Variants in RTN1 observed in about 807,000 individuals in gnomAD.
RTN1 encodes reticulon-1.
In RTN1, 25 loss-of-function variants were observed where a neutral mutation model predicts 65.5. The ratio of observed to expected loss-of-function variants is 0.38; its 90% CI spans 0.28 to 0.53. The LOEUF (loss-of-function observed/expected upper bound fraction) is 0.53, where lower values mean the gene tolerates loss of function less well. Among genes scored for constraint, RTN1 ranks in the 20% least tolerant of loss-of-function variants. The pLI is 0.79. For synonymous variants in RTN1, 471 were observed against 447.6 expected (o/e 1.05, Z -0.66); for missense variants, 983 against 1,025.4 (o/e 0.96, Z 0.57).
rs1172989902 is a variant in RTN1, at chr14:59,846,424, A to ACACACACGTGTGTAC, written c.241+23951_241+23965dup. 6.6e-6 allele frequency among the ~76,000 whole-genome samples: 1 copy of ACACACACGTGTGTAC among 151,876 alleles called. No homozygotes were observed. Among genetic ancestry groups the ACACACACGTGTGTAC allele is most frequent in the Non-Finnish European group, 1.5e-5 (1 of 67,942 alleles). On this transcript the variant is annotated intron_variant, in intron 1 of 8. Transcript: ENST00000267484. This position sits in a 1 kb window ranked among gnomAD's most constrained non-coding sequence, Gnocchi z 4.8. ...AGTTGATGTATGCACACGTGTGTAC[A>ACACACACGTGTGTAC]CACACACGTGTGTACCACACACATC...
chr14:59,749,136 A>ATCTG (rs1250420814), intron 1 of RTN1, among the ~76,000 whole-genome samples: 4 of 109,702 alleles, frequency 3.6e-5, no homozygotes, highest in Admixed American at 1.1e-4. Flanking sequence ...ATATATCTAT[A>ATCTG]TCTATCTATC....
At position 59,602,617 on chromosome 14, in the gene RTN1, G is replaced by C. The variant is rs541410051; in HGVS notation, c.2288+448C>G. 2.3e-4 allele frequency among the ~76,000 whole-genome samples: 35 copies of C among 152,166 alleles called. No individual in the cohort carries two copies. In the East Asian group the frequency reaches 6.6e-3, roughly 28 times the overall value. On this transcript the variant is annotated intron_variant, in intron 8 of 8. Coordinates refer to ENST00000267484, the MANE Select transcript of RTN1 (RefSeq NM_021136.3). ...TGGCAAACATTTTATGTATTTTAAA[G>C]TTCTAAAAATAATTCAAAGTTTTAA...
intron 1 of RTN1, among the ~76,000 whole-genome samples, chr14:59,804,429 A>G (rs1886600366): frequency 6.6e-6 from 1 of 152,194 alleles, no homozygotes; most frequent in South Asian, 2.1e-4. Flanking sequence ...TCACTGCAAC[A>G]TTACTGATAG....
chr14:59,649,072 G>A (rs573053187), intron 3 of RTN1, among the ~76,000 whole-genome samples: 1 of 152,100 alleles, frequency 6.6e-6, no homozygotes, highest in Non-Finnish European at 1.5e-5. Flanking sequence ...ATAGACCAAC[G>A]AAACAGAACA....
intron 3 of RTN1, among the ~76,000 whole-genome samples, chr14:59,643,602 T>G (rs1882828103): frequency 6.6e-6 from 1 of 152,168 alleles, no homozygotes; most frequent in Non-Finnish European, 1.5e-5. Flanking sequence ...AGCACTACTA[T>G]CATTAGCCGT....
At chr14:59,630,623 T>A in intron 3 of RTN1, 1 of 1,528,366 alleles carries the variant, frequency 6.5e-7, no homozygotes, top group East Asian at 2.4e-5. Flanking sequence ...GCGGAGAGAC[T>A]GAGGCTGCAC....
At chr14:59,638,729 A>G (rs1231454495) in intron 3 of RTN1, among the ~76,000 whole-genome samples, 1 of 152,290 alleles carries the variant, frequency 6.6e-6, no homozygotes, top group Non-Finnish European at 1.5e-5. Flanking sequence ...TTAAAGAGTG[A>G]GGGCCTTGGT....
intron 3 of RTN1, among the ~76,000 whole-genome samples, chr14:59,677,167 C>A (rs533186923): frequency 6.6e-6 from 1 of 152,212 alleles, no homozygotes; most frequent in South Asian, 2.1e-4. Context: ...GGACCCCAGC[C>A]TTTGAATCCT....
At chr14:59,613,706 C>T (rs2349694) in intron 3 of RTN1, among the ~76,000 whole-genome samples, 149,214 of 152,182 alleles carry the variant, frequency 0.98, 73,223 homozygotes, top group East Asian at 1. Context: ...CATTTTTTTG[C>T]CTTGTCCTTC....
At chr14:59,599,207 C>T (rs985650431) in intron 8 of RTN1, among the ~76,000 whole-genome samples, 4 of 152,186 alleles carry the variant, frequency 2.6e-5, no homozygotes, top group African/African-American at 7.2e-5. Context: ...ATCTATCCCT[C>T]GCCGCATTCT....
At chr14:59,777,093 T>C (rs1886066140) in intron 1 of RTN1, among the ~76,000 whole-genome samples, 1 of 152,132 alleles carries the variant, frequency 6.6e-6, no homozygotes, top group Non-Finnish European at 1.5e-5. Context: ...ATGTTGTCCT[T>C]CAGGCATGGA....
At chr14:59,685,271 C>A (rs758413082) in intron 3 of RTN1, among the ~76,000 whole-genome samples, 1 of 152,102 alleles carries the variant, frequency 6.6e-6, no homozygotes, top group Non-Finnish European at 1.5e-5. Context: ...CAAAGATGAC[C>A]ACTCTTGTCA....
chr14:59,867,328 C>T (rs1242112385), intron 1 of RTN1, among the ~76,000 whole-genome samples: 1 of 152,146 alleles, frequency 6.6e-6, no homozygotes, highest in Non-Finnish European at 1.5e-5. Flanking sequence ...TAGATGATGG[C>T]ACTTTTATGA....
At chr14:59,852,957 A>G (rs1267941504) in intron 1 of RTN1, among the ~76,000 whole-genome samples, 1 of 152,188 alleles carries the variant, frequency 6.6e-6, no homozygotes, top group East Asian at 1.9e-4. Flanking sequence ...CTGTGTACAT[A>G]TATATATTAA....
intron 3 of RTN1, among the ~76,000 whole-genome samples, chr14:59,673,805 G>C: frequency 6.6e-6 from 1 of 152,122 alleles, no homozygotes. Flanking sequence ...TGGATTGAAG[G>C]TCAGGTTTCA....
chr14:59,778,525 C>T (rs1886095513), intron 1 of RTN1, among the ~76,000 whole-genome samples: 1 of 152,166 alleles, frequency 6.6e-6, no homozygotes, highest in Non-Finnish European at 1.5e-5. Flanking sequence ...TCACTGCATG[C>T]TTTGTTCTGT....
intron 3 of RTN1, among the ~76,000 whole-genome samples, chr14:59,626,870 G>A (rs1038573254): frequency 1.3e-5 from 2 of 152,230 alleles, no homozygotes; most frequent in Non-Finnish European, 1.5e-5. Flanking sequence ...GGTGATGACA[G>A]TGACAACCAT....
At chr14:59,710,086 A>C (rs1884385302) in intron 3 of RTN1, among the ~76,000 whole-genome samples, 2 of 131,236 alleles carry the variant, frequency 1.5e-5, no homozygotes, top group Admixed American at 9.0e-5. Context: ...TCTGTTGCCC[A>C]GGCTGGAGTG....
chr14:59,847,696 C>T (rs1887434388), intron 1 of RTN1, among the ~76,000 whole-genome samples: 1 of 152,180 alleles, frequency 6.6e-6, no homozygotes, highest in Non-Finnish European at 1.5e-5. Flanking sequence ...AGTTCGACTT[C>T]CCACTTAAAA....
Sources: gnomAD v4.1 joint callset for allele counts (sites outside exome capture counted in the v4.1 genomes callset) on GRCh38, gnomAD v4.1.1 for gene constraint, Gnocchi (gnomAD v3.1) non-coding constraint, MANE v1.5 for transcripts, NCBI Gene and HGNC (gene_info 2026-07-23, HGNC 2026-07-21) for gene names.